The following ACSL3 variants were observed in gnomAD, a reference collection of about 807,000 sequenced individuals.
ACSL3 encodes the protein fatty acid CoA ligase Acsl3.
In ACSL3, 34 loss-of-function variants were observed where a neutral mutation model predicts 84.7. The ratio of observed to expected loss-of-function variants is 0.40; its 90% CI spans 0.31 to 0.53. ACSL3 has a LOEUF of 0.53. Among genes scored for constraint, ACSL3 ranks in the 20% least tolerant of loss-of-function variants. The pLI, the probability that ACSL3 is intolerant of heterozygous loss-of-function variation, is 0.48. For missense variants in ACSL3, 680 were observed against 873.1 expected, an observed-to-expected ratio of 0.78 and a Z score of 2.79; for synonymous variants, 315 against 299.4, an observed-to-expected ratio of 1.05 and a Z score of -0.54.
chr2:222,899,368 A>G (rs1053140481), intron 2 of ACSL3, among the ~76,000 whole-genome samples: 1 of 151,950 alleles, frequency 6.6e-6, no homozygotes, highest in Non-Finnish European at 1.5e-5. Context: ...CCAGCTACTC[A>G]GGAGGCTGAG....
chr2:222,941,569 T>C lies in ACSL3; in HGVS notation c.2078T>C (p.Leu693Pro). 1 of 1,613,662 alleles carries C rather than the reference T, an allele frequency of 6.2e-7. No homozygotes were observed. Among genetic ancestry groups the C allele is most frequent in the South Asian group, 1.1e-5 (1 of 91,072 alleles). Residue 693 changes from leucine (L) to proline (P), a missense_variant, in exon 17 of 17, where the codon CTG (leucine) becomes CCG (proline). Around this residue, in one of 2 missense-constraint regions of ACSL3, gnomAD observed 347 missense variants for 525.7 expected, o/e 0.66. Coordinates refer to ENST00000357430, the MANE Select transcript of ACSL3 (RefSeq NM_004457.5). ...GAACCGTGGACCCCTGAAACTGGTC[T>C]GGTGACAGATGCCTTCAAGCTGAAA... ...SPEPWTPETG[L>P]VTDAFKLKRK...
intron 1 of ACSL3, among the ~76,000 whole-genome samples, chr2:222,879,178 C>A (rs1221397360): frequency 1.3e-5 from 2 of 152,086 alleles, no homozygotes; most frequent in Non-Finnish European, 2.9e-5. Context: ...ATTAGCCGGG[C>A]ATGGTGGCGG....
At chr2:222,934,239 T>C (rs199540168) in intron 15 of ACSL3, among the ~76,000 whole-genome samples, 1 of 67,906 alleles carries the variant, frequency 1.5e-5, no homozygotes, top group African/African-American at 3.5e-5. Context: ...TTTGTAACTT[T>C]CTTTTAAAAT....
chr2:222,907,439 AG>A (rs1353328263), intron 3 of ACSL3, among the ~76,000 whole-genome samples: 1 of 152,122 alleles, frequency 6.6e-6, no homozygotes, highest in Non-Finnish European at 1.5e-5. Context: ...AGGGTTAACT[AG>A]TTACTAGTTA....
intron 1 of ACSL3, among the ~76,000 whole-genome samples, chr2:222,880,545 T>C (rs1007501500): frequency 6.6e-6 from 1 of 152,112 alleles, no homozygotes; most frequent in Non-Finnish European, 1.5e-5. Context: ...CTGTCAATTT[T>C]TGGCCGGGCG....
intron 1 of ACSL3, among the ~76,000 whole-genome samples, chr2:222,864,018 A>C (rs901741906): frequency 6.6e-6 from 1 of 151,972 alleles, no homozygotes; most frequent in South Asian, 2.1e-4. Context: ...TGATCCTTTT[A>C]AGAGCCATAT....
intron 2 of ACSL3, among the ~76,000 whole-genome samples, chr2:222,898,869 G>C (rs1288710197): frequency 1.3e-5 from 2 of 152,072 alleles, no homozygotes; most frequent in South Asian, 2.1e-4. Flanking sequence ...AAAAAAAGAA[G>C]CATTGCTGTA....
chr2:222,880,099 A>G (rs929760592), intron 1 of ACSL3, among the ~76,000 whole-genome samples: 1 of 152,216 alleles, frequency 6.6e-6, no homozygotes, highest in Non-Finnish European at 1.5e-5. Flanking sequence ...TGCCATATAC[A>G]AAAGTCCCAT....
intron 4 of ACSL3, among the ~76,000 whole-genome samples, chr2:222,909,373 C>G (rs867440165): frequency 1.3e-5 from 2 of 152,018 alleles, no homozygotes; most frequent in Non-Finnish European, 2.9e-5. Context: ...GGAGCTCTTC[C>G]CCAGTGTCTA....
At chr2:222,904,290 A>AC (rs1012166558) in intron 3 of ACSL3, among the ~76,000 whole-genome samples, 31 of 105,104 alleles carry the variant, frequency 2.9e-4, no homozygotes, top group African/African-American at 1.1e-3. Context: ...AAACAAAACA[A>AC]AACAAAAAAC....
chr2:222,922,439 A>G (rs988741019), intron 8 of ACSL3, among the ~76,000 whole-genome samples: 1 of 152,214 alleles, frequency 6.6e-6, no homozygotes, highest in African/African-American at 2.4e-5. Context: ...AGTGCTTTTA[A>G]GTAGGACGGG....
intron 10 of ACSL3, among the ~76,000 whole-genome samples, chr2:222,923,396 C>T (rs1696790005): frequency 6.6e-6 from 1 of 152,134 alleles, no homozygotes; most frequent in South Asian, 2.1e-4. Context: ...GCCTAAATAC[C>T]TTCTTGTTAA....
intron 2 of ACSL3, among the ~76,000 whole-genome samples, chr2:222,891,920 T>A (rs911304873): frequency 6.6e-6 from 1 of 152,220 alleles, no homozygotes; most frequent in African/African-American, 2.4e-5. Flanking sequence ...TGGAACTTTT[T>A]ATCTAATCCA....
At chr2:222,875,927 T>G (rs927293949) in intron 1 of ACSL3, among the ~76,000 whole-genome samples, 2 of 152,222 alleles carry the variant, frequency 1.3e-5, no homozygotes, top group African/African-American at 4.8e-5. Flanking sequence ...GGTAATACTT[T>G]GTAGGTTTCT....
chr2:222,916,324 T>G lies in ACSL3; in HGVS notation c.384T>G (p.Ile128Met), dbSNP rs762018148. ...ATTTTTTTTTGTTTTATCAGGTTAT[T>G]CTTGGACAGTATAATTGGCTTTCCT... The part of the protein sequence containing the change: ...QPNGKIFKKV[I>M]LGQYNWLSYE... Residue 128 changes from isoleucine (I) to methionine (M), a missense_variant, in exon 5 of 17, where the codon ATT (isoleucine) becomes ATG (methionine). Physicochemically the swap from Ile to Met is conservative, Grantham distance 10. Transcript: ENST00000357430. 17 of 1,602,902 alleles carry G rather than the reference T, an allele frequency of 1.1e-5. No homozygotes were observed. The highest frequency in any genetic ancestry group is 1.3e-5 in the African/African-American group (1 of 74,476).
intron 2 of ACSL3, among the ~76,000 whole-genome samples, chr2:222,890,039 A>G (rs1372346047): frequency 6.6e-6 from 1 of 152,258 alleles, no homozygotes; most frequent in Admixed American, 6.5e-5. Context: ...ACTATTGACT[A>G]AAGGAAGTAA....
At chr2:222,898,818 C>T (rs1474446744) in intron 2 of ACSL3, among the ~76,000 whole-genome samples, 1 of 152,050 alleles carries the variant, frequency 6.6e-6, no homozygotes, top group African/African-American at 2.4e-5. Flanking sequence ...AAGAGTGAGA[C>T]TCTGTCTCAA....
intron 1 of ACSL3, among the ~76,000 whole-genome samples, chr2:222,881,012 GTTTA>G (rs780351049): frequency 1.7e-4 from 26 of 151,988 alleles, no homozygotes; most frequent in Non-Finnish European, 2.8e-4. Flanking sequence ...CATAACTGTC[GTTTA>G]TTTTTTCATT....
At chr2:222,918,956 T>A in intron 6 of ACSL3, 108 bp from the exon 7 acceptor site, 1 of 1,359,856 alleles carries the variant, frequency 7.4e-7, no homozygotes, top group Admixed American at 2.5e-5. Flanking sequence ...TCTTTCTTTT[T>A]TGAGGCAAGA....
Sources: allele counts gnomAD v4.1 joint callset (sites outside exome capture counted in the v4.1 genomes callset), GRCh38; gene constraint gnomAD v4.1.1; regional missense constraint gnomAD v4.1.1; transcripts MANE v1.5; gene names NCBI Gene and HGNC (gene_info 2026-07-23, HGNC 2026-07-21).